The following UMAD1 variants were observed in gnomAD, a reference collection of about 807,000 sequenced individuals.
UMAD1 encodes UBAP1-MVB12-associated (UMA)-domain containing protein 1.
Under a neutral mutation model 6.1 loss-of-function variants are expected in UMAD1, and 8 were observed. The observed-to-expected ratio is 1.30, with a 90% CI of 0.76 to 2.35. UMAD1 has a LOEUF of 2.35. Among genes scored for constraint, UMAD1 ranks in the 30% most tolerant of loss-of-function variants. The pLI, the probability that UMAD1 is intolerant of heterozygous loss-of-function variation, is 0.00. For synonymous variants in UMAD1, 56 were observed against 31.4 expected, an observed-to-expected ratio of 1.78 and a Z score of -2.61; for missense variants, 130 against 78.4, an observed-to-expected ratio of 1.66 and a Z score of -2.49.
At chr7:7,657,066 G>T (rs995888302) in intron 1 of UMAD1, among the ~76,000 whole-genome samples, 3 of 152,196 alleles carry the variant, frequency 2.0e-5, no homozygotes, top group Admixed American at 2.0e-4. Flanking sequence ...CTAATGACCA[G>T]TGATGATGAG....
intron 3 of UMAD1, among the ~76,000 whole-genome samples, chr7:7,845,114 A>C (rs150532599): frequency 6.3e-4 from 96 of 152,254 alleles, no homozygotes; most frequent in Non-Finnish European, 9.7e-4. Context: ...ACTTGCTGTA[A>C]GTGTAAAATA....
At chr7:7,839,481 G>T (rs1469084037) in intron 3 of UMAD1, among the ~76,000 whole-genome samples, 2 of 152,170 alleles carry the variant, frequency 1.3e-5, no homozygotes, top group Non-Finnish European at 2.9e-5. Flanking sequence ...ACCAAACCCG[G>T]CCAGATGAAC....
chr7:7,806,618 C>G (rs982517955), intron 3 of UMAD1, among the ~76,000 whole-genome samples: 1 of 152,106 alleles, frequency 6.6e-6, no homozygotes, highest in African/African-American at 2.4e-5. Flanking sequence ...TGTATCTTTT[C>G]TCACCATAAA....
intron 3 of UMAD1, among the ~76,000 whole-genome samples, chr7:7,851,256 G>T (rs1209754158): frequency 1.3e-5 from 2 of 151,936 alleles, no homozygotes; most frequent in African/African-American, 2.4e-5. Flanking sequence ...TTTTATTGTT[G>T]TATAATATTC....
chr7:7,669,797 T>C (rs2115103055), intron 1 of UMAD1, among the ~76,000 whole-genome samples: 1 of 152,336 alleles, frequency 6.6e-6, no homozygotes, highest in East Asian at 1.9e-4. Flanking sequence ...CTGTCTGAAA[T>C]TATCCAAAGC....
intron 3 of UMAD1, among the ~76,000 whole-genome samples, chr7:7,824,542 T>C (rs1783304928): frequency 6.6e-6 from 1 of 152,166 alleles, no homozygotes; most frequent in African/African-American, 2.4e-5. Flanking sequence ...CCACTCTTCA[T>C]CATCCTTAGA....
intron 2 of UMAD1, among the ~76,000 whole-genome samples, chr7:7,720,398 T>C (rs1324977743): frequency 6.6e-6 from 1 of 152,132 alleles, no homozygotes; most frequent in Non-Finnish European, 1.5e-5. Flanking sequence ...TTTATAGGTT[T>C]GGAGTGTGTC....
At chr7:7,839,022 G>T (rs1444109234) in intron 3 of UMAD1, among the ~76,000 whole-genome samples, 2 of 152,140 alleles carry the variant, frequency 1.3e-5, no homozygotes, top group African/African-American at 4.8e-5. Flanking sequence ...GGAATAGATG[G>T]GAGTGAGAGC....
chr7:7,839,741 G>A (rs559643247), intron 3 of UMAD1, among the ~76,000 whole-genome samples: 1 of 152,304 alleles, frequency 6.6e-6, no homozygotes, highest in South Asian at 2.1e-4. Flanking sequence ...TTAGGGTCAA[G>A]TTGACAAGTT....
At chr7:7,857,327 G>T (rs891803558) in intron 3 of UMAD1, among the ~76,000 whole-genome samples, 3 of 152,130 alleles carry the variant, frequency 2.0e-5, no homozygotes, top group African/African-American at 7.2e-5. Flanking sequence ...TAGCATAATT[G>T]GTTCAGGAAT....
chr7:7,748,382 A>C (rs1781614977), intron 2 of UMAD1, among the ~76,000 whole-genome samples: 1 of 152,178 alleles, frequency 6.6e-6, no homozygotes, highest in Non-Finnish European at 1.5e-5. Flanking sequence ...TTCAATATGC[A>C]TTTATAAAAT....
chr7:7,811,216 C>T (rs886416162), intron 3 of UMAD1, among the ~76,000 whole-genome samples: 2 of 152,126 alleles, frequency 1.3e-5, no homozygotes, highest in African/African-American at 4.8e-5. Flanking sequence ...CTGATGAGAA[C>T]ATAATTTTAT....
chr7:7,810,208 A>T (rs201525836), intron 3 of UMAD1, among the ~76,000 whole-genome samples: 2 of 93,210 alleles, frequency 2.1e-5, no homozygotes, highest in Non-Finnish European at 4.8e-5. Flanking sequence ...TACTCACACA[A>T]GATATTCATA....
intron 3 of UMAD1, among the ~76,000 whole-genome samples, chr7:7,872,235 A>G (rs779271059): frequency 6.6e-6 from 1 of 152,198 alleles, no homozygotes; most frequent in Non-Finnish European, 1.5e-5. Context: ...GAGCCACATA[A>G]ATTTTTTTGT....
At chr7:7,863,772 A>T (rs1583881325) in intron 3 of UMAD1, among the ~76,000 whole-genome samples, 1 of 152,168 alleles carries the variant, frequency 6.6e-6, no homozygotes, top group Admixed American at 6.5e-5. Flanking sequence ...GCTAAGATGG[A>T]CTTGTGCACT....
At chr7:7,861,350 T>G (rs190057430) in intron 3 of UMAD1, among the ~76,000 whole-genome samples, 1 of 152,326 alleles carries the variant, frequency 6.6e-6, no homozygotes, top group East Asian at 1.9e-4. Flanking sequence ...CTCCTGCCAT[T>G]CTGAATGGCC....
rs542158302 is a variant in UMAD1, at chr7:7,853,587, A to G, written c.157-23694A>G. Among the ~76,000 whole-genome samples, 10 of 152,246 alleles carry G rather than the reference A, an allele frequency of 6.6e-5. 1 individual carries two copies. The highest frequency in any genetic ancestry group is 2.4e-4 in the African/African-American group (10 of 41,530). ...TTTTGATAGTATTGTAAATGAAATT[A>G]TCTTAATTTCATATTTGGATTGTTC... On this transcript the variant is annotated intron_variant, in intron 3 of 3. Coordinates refer to ENST00000682710, the MANE Select transcript of UMAD1 (RefSeq NM_001302348.2).
chr7:7,666,119 C>G (rs149770899), intron 1 of UMAD1, among the ~76,000 whole-genome samples: 1 of 152,122 alleles, frequency 6.6e-6, no homozygotes, highest in Admixed American at 6.6e-5. Flanking sequence ...ACCCTTCTAC[C>G]ACAAGTGTAC....
At chr7:7,736,888 A>G (rs912508661) in intron 2 of UMAD1, 1 of 152,300 alleles carries the variant, frequency 6.6e-6, no homozygotes, top group Admixed American at 6.5e-5. Context: ...CCTCCTGCTG[A>G]GCTGGCTGCT....
Sources: gnomAD v4.1 joint callset for allele counts (sites outside exome capture counted in the v4.1 genomes callset) on GRCh38, gnomAD v4.1.1 for gene constraint, MANE v1.5 for transcripts, NCBI Gene and HGNC (gene_info 2026-07-23, HGNC 2026-07-21) for gene names.